The following EPHA6 variants were observed in gnomAD, a reference collection of about 807,000 sequenced individuals.
The protein encoded by EPHA6 is EPH receptor A6.
EPHA6 carries 50 observed loss-of-function variants against 112.0 expected under a neutral mutation model. The observed-to-expected ratio is 0.45, with a 90% CI of 0.36 to 0.56. The LOEUF (loss-of-function observed/expected upper bound fraction) is 0.56, where lower values mean the gene tolerates loss of function less well. Among genes scored for constraint, EPHA6 ranks in the 20% least tolerant of loss-of-function variants. EPHA6 has a pLI of 0.00. For synonymous variants in EPHA6, 529 were observed against 490.7 expected (o/e 1.08, Z -1.03); for missense variants, 1,280 against 1,417.4 (o/e 0.90, Z 1.56).
At chr3:97,087,587 G>A (rs2046941632) in intron 3 of EPHA6, among the ~76,000 whole-genome samples, 1 of 152,128 alleles carries the variant, frequency 6.6e-6, no homozygotes, top group Non-Finnish European at 1.5e-5. Flanking sequence ...AAATACAAAA[G>A]GTGCACATTA....
At chr3:97,596,333 G>C (rs2093590614) in intron 12 of EPHA6, among the ~76,000 whole-genome samples, 1 of 152,130 alleles carries the variant, frequency 6.6e-6, no homozygotes, top group South Asian at 2.1e-4. Context: ...ATAGAGTATT[G>C]AGTATACATA....
At chr3:97,466,973 A>G (rs1344069650) in intron 7 of EPHA6, among the ~76,000 whole-genome samples, 1 of 151,838 alleles carries the variant, frequency 6.6e-6, no homozygotes, top group Non-Finnish European at 1.5e-5. Context: ...TTTAAGAATT[A>G]CCTTCTTTAT....
At chr3:97,454,253 C>T (rs976441403) in intron 7 of EPHA6, among the ~76,000 whole-genome samples, 2 of 151,668 alleles carry the variant, frequency 1.3e-5, no homozygotes, top group Non-Finnish European at 3.0e-5. Context: ...AGGCGTAATT[C>T]TTTACTAAGT....
intron 5 of EPHA6, among the ~76,000 whole-genome samples, chr3:97,290,528 G>A (rs1238140868): frequency 6.6e-6 from 1 of 152,090 alleles, no homozygotes; most frequent in East Asian, 1.9e-4. Context: ...TGTTAGTAGG[G>A]TATTGAAACC....
intron 1 of EPHA6, among the ~76,000 whole-genome samples, chr3:96,835,786 C>T (rs996925821): frequency 6.6e-6 from 1 of 152,006 alleles, no homozygotes; most frequent in Admixed American, 6.6e-5. Context: ...TCTTCTTACT[C>T]TTGTGAAGAC....
intron 3 of EPHA6, among the ~76,000 whole-genome samples, chr3:97,015,419 G>A (rs1441462690): frequency 6.6e-6 from 1 of 152,114 alleles, no homozygotes; most frequent in Admixed American, 6.6e-5. Flanking sequence ...TTGGGTTATA[G>A]CCAGTTTCAT....
At chr3:96,947,836 T>C (rs996937410) in intron 2 of EPHA6, among the ~76,000 whole-genome samples, 43 of 152,224 alleles carry the variant, frequency 2.8e-4, no homozygotes, top group African/African-American at 9.9e-4. Flanking sequence ...AGGTAACTTA[T>C]AGATTCAATG....
intron 3 of EPHA6, among the ~76,000 whole-genome samples, chr3:97,116,450 C>T (rs546631633): frequency 5.7e-4 from 87 of 151,598 alleles, no homozygotes; most frequent in Middle Eastern, 3.4e-3. Flanking sequence ...AGTAGATCTC[C>T]GGAACTTATT....
chr3:97,119,409 C>T (rs963252659), intron 3 of EPHA6, among the ~76,000 whole-genome samples: 3 of 151,902 alleles, frequency 2.0e-5, no homozygotes, highest in African/African-American at 4.8e-5. Flanking sequence ...TGCCTCTGGG[C>T]GCAGGTTGGT....
intron 2 of EPHA6, among the ~76,000 whole-genome samples, chr3:96,868,776 A>G (rs2036471564): frequency 6.6e-6 from 1 of 152,048 alleles, no homozygotes. Context: ...CTTCCTATAA[A>G]GAATTGACAT....
At chr3:97,258,178 T>C (rs1172731217) in intron 5 of EPHA6, among the ~76,000 whole-genome samples, 1 of 152,008 alleles carries the variant, frequency 6.6e-6, no homozygotes, top group Admixed American at 6.6e-5. Flanking sequence ...CCATAGCACC[T>C]GTCACATAAA....
chr3:97,221,401 T>G (rs1457602588), intron 3 of EPHA6, among the ~76,000 whole-genome samples: 2 of 151,888 alleles, frequency 1.3e-5, no homozygotes, highest in African/African-American at 4.8e-5. Flanking sequence ...AGAAACCACT[T>G]TGTTAGATAA....
chr3:97,000,384 T>C (rs1429632562), intron 3 of EPHA6, among the ~76,000 whole-genome samples: 13 of 151,274 alleles, frequency 8.6e-5, no homozygotes, highest in African/African-American at 3.1e-4. Flanking sequence ...TATATATATG[T>C]ATATGTTGGA....
chr3:96,921,477 G>T (rs2039760420), intron 2 of EPHA6, among the ~76,000 whole-genome samples: 1 of 151,950 alleles, frequency 6.6e-6, no homozygotes, highest in African/African-American at 2.4e-5. Context: ...TTGGGAATGG[G>T]TAATCTCTCA....
chr3:96,949,160 T>C (rs2041419823), intron 2 of EPHA6, among the ~76,000 whole-genome samples: 1 of 152,208 alleles, frequency 6.6e-6, no homozygotes. Flanking sequence ...AATGAGAATC[T>C]GGCCCAGTTA....
At chr3:97,173,834 C>T (rs532112094) in intron 3 of EPHA6, among the ~76,000 whole-genome samples, 7 of 151,886 alleles carry the variant, frequency 4.6e-5, no homozygotes, top group Admixed American at 2.6e-4. Context: ...ATAAGCCCAT[C>T]ATGGAGAATG....
chr3:97,526,763 G>C (rs1201182534), intron 10 of EPHA6, among the ~76,000 whole-genome samples: 1 of 152,194 alleles, frequency 6.6e-6, no homozygotes, highest in African/African-American at 2.4e-5. Flanking sequence ...CTGTGCCATT[G>C]GGATTATTCC....
chr3:97,579,987 C>T (rs957294275), intron 11 of EPHA6, among the ~76,000 whole-genome samples: 48 of 152,230 alleles, frequency 3.2e-4, no homozygotes, highest in Non-Finnish European at 6.0e-4. Flanking sequence ...TTTTATTTTT[C>T]ACTTGCAAAT....
chr3:96,913,199 CA>C (rs2039311313), intron 2 of EPHA6, among the ~76,000 whole-genome samples: 1 of 123,492 alleles, frequency 8.1e-6, no homozygotes, highest in African/African-American at 3.0e-5. Context: ...CACACACACA[CA>C]CACACACACA....
Sources: gnomAD v4.1 joint callset for allele counts (sites outside exome capture counted in the v4.1 genomes callset) on GRCh38, gnomAD v4.1.1 for gene constraint, MANE v1.5 for transcripts, NCBI Gene and HGNC (gene_info 2026-07-23, HGNC 2026-07-21) for gene names.